The following TET3 variants were observed in gnomAD, a reference collection of about 807,000 sequenced individuals.
TET3 encodes the protein tet methylcytosine dioxygenase 3.
In TET3, 19 loss-of-function variants were observed where a neutral mutation model predicts 141.4. That is an observed-to-expected ratio of 0.13 (90% confidence interval 0.09 to 0.20). TET3 has a LOEUF of 0.20. Among genes scored for constraint, TET3 ranks in the 10% least tolerant of loss-of-function variants. The pLI is 1.00. For synonymous variants in TET3, 1,043 were observed against 980.9 expected, an observed-to-expected ratio of 1.06 and a Z score of -1.18; for missense variants, 1,874 against 2,356.9, an observed-to-expected ratio of 0.80 and a Z score of 4.24.
chr2:74,037,698 C>G (rs1298313891), intron 3 of TET3, among the ~76,000 whole-genome samples: 1 of 152,216 alleles, frequency 6.6e-6, no homozygotes, highest in Non-Finnish European at 1.5e-5. Context: ...TGGTGTGTAA[C>G]TGCTGACAGT....
chr2:74,131,006 T>TGGGCA, the TET3 span: 1 of 151,554 alleles, frequency 6.6e-6, no homozygotes, highest in Admixed American at 6.6e-5. Context: ...GGAACTGCGG[T>TGGGCA]GGGCAGGGCA....
Position 73,986,460 on chromosome 2 carries a change from C to T in TET3, c.57C>T (p.Asp19=). 1.6e-6 allele frequency: 2 copies of T among 1,232,282 alleles called. No homozygotes were observed. The highest frequency in any genetic ancestry group is 2.0e-6 in the Non-Finnish European group (2 of 988,074). The allele number at this position is 1,232,282 out of a possible 1,614,324, so 76.3% of individuals were successfully genotyped here. A position where few individuals can be genotyped will look rare whatever the true frequency, so the allele number is the denominator to read the frequency against. ...AVQPDLPGLY[D]FPQRQVMVGS... is the part of the protein sequence containing the mutation. The stretch of plus-strand genomic sequence containing the variant: ...AGCCGGACCTGCCAGGCCTTTATGA[C>T]TTCCCTCAGCGCCAGGTGATGGTAG... Residue 19 remains aspartate (D), a synonymous_variant, in exon 2 of 12, where the codon GAC becomes GAT. Coordinates refer to ENST00000409262, the MANE Select transcript of TET3 (RefSeq NM_001287491.2).
In TET3 at chr2:74,048,051, C is replaced by T. The variant is rs199636758; in HGVS notation, c.2134C>T (p.Arg712Trp). The part of the protein sequence containing the change: ...PADDKLEELI[R>W]QFEAEFGDSF... ...CGATGACAAGCTGGAAGAGCTCATC[C>T]GGCAGTTTGAGGCTGAATTTGGAGA... Residue 712 changes from arginine to tryptophan, a missense_variant, in exon 4 of 12, where the codon CGG (arginine) becomes TGG (tryptophan). By Grantham distance (101) the Arg-to-Trp change is moderately radical. Coordinates refer to ENST00000409262, the MANE Select transcript of TET3 (RefSeq NM_001287491.2). 3.8e-5 allele frequency: 62 copies of T among 1,611,644 alleles called. No individual in the cohort carries two copies. The highest frequency in any genetic ancestry group is 1.6e-4 in the Middle Eastern group (1 of 6,064).
chr2:74,109,770 T>G (rs1558808205), downstream of TET3, among the ~76,000 whole-genome samples: 1 of 152,202 alleles, frequency 6.6e-6, no homozygotes, highest in Non-Finnish European at 1.5e-5. Flanking sequence ...TTGGGATCTC[T>G]AGAAATGAGC....
the TET3 span, among the ~76,000 whole-genome samples, chr2:74,127,525 C>T: frequency 1.3e-5 from 2 of 152,076 alleles, no homozygotes; most frequent in African/African-American, 2.4e-5. Flanking sequence ...TTTAACCAAA[C>T]GAATTGGAGA....
Position 74,101,219 on chromosome 2 carries a change from C to T in TET3, c.4431C>T (p.Ala1477=). 2 of 1,613,084 alleles carry T rather than the reference C, an allele frequency of 1.2e-6. No individual in the cohort carries two copies. The highest frequency in any genetic ancestry group is 1.7e-6 in the Non-Finnish European group (2 of 1,179,538). Residue 1477 remains alanine (A), a synonymous_variant, in exon 12 of 12, where the codon GCC becomes GCT. Coordinates refer to ENST00000409262, the MANE Select transcript of TET3 (RefSeq NM_001287491.2). This position sits in a 1 kb window ranked among gnomAD's most constrained non-coding sequence, Gnocchi z 8.5. ...CTGACAAGCTCAGTTCCTTTGGGGC[C>T]AGCTGCCTGGCCCCTTCCCACTTCA... ...IVPDKLSSFG[A]SCLAPSHFTD... is the part of the protein sequence containing the mutation.
chr2:74,073,460 C>G, intron 4 of TET3, 89 bp from the exon 5 acceptor site: 3 of 937,304 alleles, frequency 3.2e-6, no homozygotes, highest in Non-Finnish European at 4.8e-6. Context: ...TCTAGCATGC[C>G]TATTAACTTT....
At chr2:74,129,459 C>G in the TET3 span, among the ~76,000 whole-genome samples, 1 of 150,164 alleles carries the variant, frequency 6.7e-6, no homozygotes, top group Admixed American at 6.6e-5. Context: ...ATGGTGAAAC[C>G]TCGTCTCTAC....
intron 3 of TET3, among the ~76,000 whole-genome samples, chr2:74,036,191 CAG>C (rs1170116559): frequency 6.6e-6 from 1 of 152,136 alleles, no homozygotes; most frequent in African/African-American, 2.4e-5. Flanking sequence ...GGTGACAAAA[CAG>C]AGGCGCAGAG....
chr2:74,088,569 C>T (rs140860970), intron 7 of TET3, among the ~76,000 whole-genome samples: 55 of 152,072 alleles, frequency 3.6e-4, no homozygotes, highest in African/African-American at 1.1e-3. Flanking sequence ...TGAACTCGGG[C>T]GGCGGAAGTT....
intron 2 of TET3, among the ~76,000 whole-genome samples, chr2:73,998,953 G>A (rs1419789454): frequency 6.6e-6 from 1 of 152,220 alleles, no homozygotes; most frequent in Non-Finnish European, 1.5e-5. Context: ...GGTTGGGAAT[G>A]CAGGACACAC....
chr2:74,056,545 A>T (rs1431835234), intron 4 of TET3, among the ~76,000 whole-genome samples: 4 of 152,170 alleles, frequency 2.6e-5, no homozygotes, highest in African/African-American at 9.7e-5. Context: ...AGGGGGGGAA[A>T]AAAAGAACCA....
At chr2:74,124,237 G>A in the TET3 span, among the ~76,000 whole-genome samples, 1 of 148,312 alleles carries the variant, frequency 6.7e-6, no homozygotes, top group East Asian at 2.0e-4. Context: ...CCCCCGCCCA[G>A]CCAGCCGCCC....
Position 74,087,729 on chromosome 2 carries a change from T to A in TET3, c.2680-101T>A. On this transcript the variant is annotated intron_variant, in intron 6 of 11. Transcript: ENST00000409262. The surrounding 1 kb of genome is among the most constrained non-coding windows in gnomAD (Gnocchi z 4.3). ...CATGACATCCCTAGAACCCTGCCGTTAAGACCTGCACCCTGGGTCTGTGTG... is the reference window on the plus strand; with the variant it reads ...CATGACATCCCTAGAACCCTGCCGTAAAGACCTGCACCCTGGGTCTGTGTG... The A allele has an allele frequency of 8.2e-7, 1 of 1,219,696 alleles. No individual in the cohort carries two copies. Among genetic ancestry groups the A allele is most frequent in the Admixed American group, 2.7e-5 (1 of 36,886 alleles). 75.6% of individuals were successfully genotyped at this position (1,219,696 alleles called of 1,614,324 possible).
rs1424896245 is a variant in TET3, at chr2:73,985,063, G to T, written c.-519G>T. ...GCGCTCCGGGAGGCGGGAGCCCCAG[G>T]CGGCGGCGGCGGCGGCCGCGACGGT... is the stretch of plus-strand genomic sequence containing the variant. On this transcript the variant is annotated 5_prime_UTR_variant, in exon 1 of 12. Coordinates refer to ENST00000409262, the MANE Select transcript of TET3 (RefSeq NM_001287491.2). The T allele has an allele frequency of 6.8e-6, 1 of 147,002 alleles. No homozygotes were observed. 9.1% of individuals were successfully genotyped at this position (147,002 alleles called of 1,614,324 possible). A position where few individuals can be genotyped will look rare whatever the true frequency, so the allele number is the denominator to read the frequency against.
At chr2:73,987,732 C>T (rs1392091962) in intron 2 of TET3, among the ~76,000 whole-genome samples, 3 of 152,234 alleles carry the variant, frequency 2.0e-5, no homozygotes, top group Non-Finnish European at 2.9e-5. Flanking sequence ...CTCTCTGGGC[C>T]TGTCTTTTCC....
At chr2:74,005,890 T>C (rs1052302559) in intron 3 of TET3, among the ~76,000 whole-genome samples, 1 of 152,192 alleles carries the variant, frequency 6.6e-6, no homozygotes. Flanking sequence ...ACACTGTTGC[T>C]ACCACCTCCT....
At chr2:74,085,775 C>CT (rs1019016612) in intron 6 of TET3, among the ~76,000 whole-genome samples, 8 of 152,190 alleles carry the variant, frequency 5.3e-5, no homozygotes, top group Non-Finnish European at 1.0e-4. Context: ...GGTCCGCACC[C>CT]TGGGGGTCAG....
intron 3 of TET3, among the ~76,000 whole-genome samples, chr2:74,036,637 ATC>A (rs1687076606): frequency 6.6e-6 from 1 of 152,204 alleles, no homozygotes; most frequent in Non-Finnish European, 1.5e-5. Context: ...TAGTGTCCTT[ATC>A]TCTGATCTCC....
Sources: allele counts gnomAD v4.1 joint callset (sites outside exome capture counted in the v4.1 genomes callset), GRCh38; gene constraint gnomAD v4.1.1; non-coding constraint Gnocchi (gnomAD v3.1); transcripts MANE v1.5; gene names NCBI Gene and HGNC (gene_info 2026-07-23, HGNC 2026-07-21).